RGS6: variants seen among roughly 807,000 people sequenced by gnomAD.
RGS6 encodes regulator of G-protein signaling 6.
RGS6 carries 30 observed loss-of-function variants against 78.5 expected under a neutral mutation model. The ratio of observed to expected loss-of-function variants is 0.38; its 90% CI spans 0.29 to 0.52. The LOEUF is 0.52. Ranked by LOEUF, RGS6 falls within the 20% of genes least tolerant of loss-of-function variation. The pLI is 0.85. For synonymous variants in RGS6, 206 were observed against 206.0 expected (o/e 1.00, Z 0.00); for missense variants, 495 against 609.7 (o/e 0.81, Z 1.98).
chr14:71,989,585 C>G (rs1042869029), intron 2 of RGS6, among the ~76,000 whole-genome samples: 3 of 152,214 alleles, frequency 2.0e-5, no homozygotes, highest in Non-Finnish European at 4.4e-5. Flanking sequence ...GGTAAAGAGG[C>G]CTTTCTAGGC....
rs114613210 is a variant in RGS6, at chr14:72,238,664, T to G, written c.85-113431T>G. Among the ~76,000 whole-genome samples, 440 of 152,264 alleles carry G rather than the reference T, an allele frequency of 2.9e-3. 2 individuals carry two copies. Among genetic ancestry groups the G allele is most frequent in the African/African-American group, 0.01 (422 of 41,538 alleles). On this transcript the variant is annotated intron_variant, in intron 2 of 17. Coordinates refer to ENST00000553525, the MANE Select transcript of RGS6 (RefSeq NM_001204424.2). ...AGGGAGGGCCTGTAGAGGGAGTTAT[T>G]GAAAAGTGACCTAAGCCAATCTGGT...
At chr14:72,122,273 C>T (rs979879698) in intron 2 of RGS6, among the ~76,000 whole-genome samples, 6 of 152,084 alleles carry the variant, frequency 3.9e-5, no homozygotes, top group African/African-American at 1.4e-4. Context: ...TGGAATAGGC[C>T]TTTCTGCAGA....
At chr14:72,621,507 C>A in the RGS6 span, among the ~76,000 whole-genome samples, 1 of 152,200 alleles carries the variant, frequency 6.6e-6, no homozygotes, top group Non-Finnish European at 1.5e-5. Flanking sequence ...AGGGAGCAAG[C>A]AATGAGGGCT....
chr14:72,347,831 T>C (rs144249677), intron 2 of RGS6, among the ~76,000 whole-genome samples: 1 of 152,270 alleles, frequency 6.6e-6, no homozygotes, highest in East Asian at 1.9e-4. Context: ...CTTTTTAAGG[T>C]AAAATAAATT....
At chr14:72,101,603 G>A (rs1272864921) in intron 2 of RGS6, among the ~76,000 whole-genome samples, 1 of 152,190 alleles carries the variant, frequency 6.6e-6, no homozygotes, top group African/African-American at 2.4e-5. Context: ...TCAAGGCAGA[G>A]GGGTTGCTGC....
chr14:72,411,001 G>GT (rs1380058113), intron 3 of RGS6, among the ~76,000 whole-genome samples: 2 of 152,106 alleles, frequency 1.3e-5, no homozygotes, highest in Non-Finnish European at 2.9e-5. Flanking sequence ...GTCAGGTAGC[G>GT]TGATGCCTCC....
chr14:71,899,647 C>G, the RGS6 span, among the ~76,000 whole-genome samples: 1 of 152,308 alleles, frequency 6.6e-6, no homozygotes, highest in South Asian at 2.1e-4. Context: ...AGAATTGATT[C>G]ACAGGTGATC....
chr14:71,986,849 G>C (rs987341060), intron 2 of RGS6, among the ~76,000 whole-genome samples: 4 of 152,170 alleles, frequency 2.6e-5, no homozygotes, highest in African/African-American at 9.7e-5. Context: ...CCAGCTTCTA[G>C]AGGCTGCCTA....
intron 2 of RGS6, among the ~76,000 whole-genome samples, chr14:71,979,487 G>T (rs886780841): frequency 6.6e-6 from 1 of 152,018 alleles, no homozygotes; most frequent in East Asian, 1.9e-4. Flanking sequence ...TGGTTTGAAA[G>T]AACATCTTTA....
At chr14:72,153,854 C>G (rs575732175) in intron 2 of RGS6, among the ~76,000 whole-genome samples, 12 of 152,112 alleles carry the variant, frequency 7.9e-5, no homozygotes, top group African/African-American at 2.2e-4. Context: ...CAGTGGTGCA[C>G]GTATTATCTT....
intron 2 of RGS6, among the ~76,000 whole-genome samples, chr14:72,341,368 C>T (rs2076956191): frequency 1.3e-5 from 2 of 152,214 alleles, no homozygotes; most frequent in South Asian, 2.1e-4. Context: ...TCACCTCCCA[C>T]GAGGCCTCTG....
intron 2 of RGS6, among the ~76,000 whole-genome samples, chr14:72,152,325 A>G (rs149689): frequency 0.49 from 74,683 of 151,354 alleles, 18,577 homozygotes; most frequent in South Asian, 0.53. Flanking sequence ...AGAAGTTATA[A>G]GGAGATAAAT....
At chr14:72,141,336 G>T (rs1055419721) in intron 2 of RGS6, among the ~76,000 whole-genome samples, 1 of 152,136 alleles carries the variant, frequency 6.6e-6, no homozygotes, top group Non-Finnish European at 1.5e-5. Flanking sequence ...TTGCCCTTGA[G>T]TACTCAGTTC....
chr14:72,111,070 C>T (rs1236769063), intron 2 of RGS6, among the ~76,000 whole-genome samples: 1 of 152,154 alleles, frequency 6.6e-6, no homozygotes, highest in Non-Finnish European at 1.5e-5. Context: ...CTGCAAGACT[C>T]TCCCGTTCTT....
chr14:71,899,345 A>G, the RGS6 span, among the ~76,000 whole-genome samples: 1 of 152,212 alleles, frequency 6.6e-6, no homozygotes, highest in Non-Finnish European at 1.5e-5. Flanking sequence ...GGGTTCCACC[A>G]ATTTCAGCAA....
chr14:72,322,087 T>G (rs961384221), intron 2 of RGS6, among the ~76,000 whole-genome samples: 2 of 151,942 alleles, frequency 1.3e-5, no homozygotes, highest in South Asian at 4.1e-4. Flanking sequence ...AAAAGAAAAT[T>G]TGTATACGTA....
At position 72,304,739 on chromosome 14, in the gene RGS6, C is replaced by T. The variant is rs930676701; in HGVS notation, c.85-47356C>T. ...ATTAAAAATACAAAAATTAGCTGGGCGTGGTGGCATGTGTCTGTGGTCCCA... is the reference window on the plus strand; with the variant it reads ...ATTAAAAATACAAAAATTAGCTGGGTGTGGTGGCATGTGTCTGTGGTCCCA... On this transcript the variant is annotated intron_variant, in intron 2 of 17. Transcript: ENST00000553525. Among the ~76,000 whole-genome samples the T allele has an allele frequency of 5.9e-5, 9 of 151,882 alleles. No individual in the cohort carries two copies. The East Asian group carries it at 9.7e-4, about 16-fold the overall frequency.
chr14:72,253,062 T>C (rs1258272708), intron 2 of RGS6, among the ~76,000 whole-genome samples: 1 of 152,228 alleles, frequency 6.6e-6, no homozygotes, highest in East Asian at 1.9e-4. Context: ...CTTACGGTGC[T>C]TCCTTGTGGA....
intron 2 of RGS6, among the ~76,000 whole-genome samples, chr14:72,017,257 G>T (rs959499072): frequency 1.3e-5 from 2 of 151,980 alleles, no homozygotes; most frequent in Non-Finnish European, 2.9e-5. Context: ...TCTTTTTATT[G>T]TATCTTTTCC....
Sources: allele counts gnomAD v4.1 joint callset (sites outside exome capture counted in the v4.1 genomes callset), GRCh38; gene constraint gnomAD v4.1.1; transcripts MANE v1.5; gene names NCBI Gene and HGNC (gene_info 2026-07-23, HGNC 2026-07-21).